Variants in COL25A1 observed in about 807,000 individuals in gnomAD.
COL25A1 encodes collagen type XXV alpha 1 chain.
A neutral mutation model predicts 128.4 loss-of-function variants in COL25A1; 103 were observed. The observed-to-expected ratio is 0.80, with a 90% CI of 0.68 to 0.94. COL25A1 has a LOEUF of 0.94. Ranked by LOEUF, COL25A1 falls within the 40% of genes least tolerant of loss-of-function variation. COL25A1 has a pLI of 0.00. For synonymous variants in COL25A1, 279 were observed against 277.2 expected (o/e 1.01, Z -0.06); for missense variants, 745 against 840.0 (o/e 0.89, Z 1.40).
chr4:109,005,191 C>T lies in COL25A1; in HGVS notation c.438+5167G>A, dbSNP rs1164404525. ...GTATAAGGCAAAGGGGGAGCCAGCA[C>T]TTCACAAGGTCAGAGCAGCAGCAAG... On this transcript the variant is annotated intron_variant, in intron 6 of 37. Coordinates refer to ENST00000399132, the MANE Select transcript of COL25A1 (RefSeq NM_198721.4). Among the ~76,000 whole-genome samples the T allele has an allele frequency of 6.6e-5, 10 of 152,290 alleles. No individual in the cohort carries two copies. The East Asian group carries it at 1.7e-3, about 27-fold the overall frequency.
chr4:108,862,568 T>C (rs1030586948), intron 21 of COL25A1, 23 bp from the exon 22 acceptor site: 1 of 1,598,364 alleles, frequency 6.3e-7, no homozygotes, highest in East Asian at 2.2e-5. Flanking sequence ...AATAAGAGGA[T>C]GAAAAAGATA....
intron 3 of COL25A1, among the ~76,000 whole-genome samples, chr4:109,178,734 C>G (rs1362684673): frequency 7.4e-5 from 11 of 148,848 alleles, no homozygotes; most frequent in Admixed American, 6.8e-4. Flanking sequence ...ACTCAGGAAG[C>G]TGAGGCAGGA....
chr4:108,935,349 T>C (rs1747275460), intron 11 of COL25A1, among the ~76,000 whole-genome samples: 1 of 152,160 alleles, frequency 6.6e-6, no homozygotes, highest in Non-Finnish European at 1.5e-5. Flanking sequence ...TTTAAGATAA[T>C]GTCCTTGTTC....
intron 6 of COL25A1, among the ~76,000 whole-genome samples, chr4:108,997,926 C>A (rs1032824950): frequency 2.0e-5 from 3 of 152,070 alleles, no homozygotes; most frequent in South Asian, 2.1e-4. Flanking sequence ...ATTCAACAGC[C>A]CTTCATGCTA....
chr4:108,964,909 C>A (rs1751121069), intron 8 of COL25A1, among the ~76,000 whole-genome samples: 1 of 152,114 alleles, frequency 6.6e-6, no homozygotes, highest in Non-Finnish European at 1.5e-5. Context: ...TAATTTATTT[C>A]TTTCCATTGT....
At chr4:108,918,879 G>A (rs1022126656) in intron 12 of COL25A1, among the ~76,000 whole-genome samples, 16 of 152,222 alleles carry the variant, frequency 1.1e-4, no homozygotes, top group African/African-American at 3.6e-4. Context: ...AGTGGCATGA[G>A]TATGAATGAT....
At chr4:108,963,554 T>C (rs1750966996) in intron 8 of COL25A1, among the ~76,000 whole-genome samples, 1 of 152,112 alleles carries the variant, frequency 6.6e-6, no homozygotes, top group South Asian at 2.1e-4. Context: ...ATTGTAGGCG[T>C]TAGTGCAACT....
At chr4:108,905,855 G>GT (rs1203593256) in intron 13 of COL25A1, among the ~76,000 whole-genome samples, 12 of 151,338 alleles carry the variant, frequency 7.9e-5, no homozygotes, top group African/African-American at 2.9e-4. Flanking sequence ...TATGTCGGGG[G>GT]GGGGTGCGGG....
At chr4:108,868,714 GGGAAGGAAGAAAGGAAGGGA>G (rs1265270357) in intron 20 of COL25A1, among the ~76,000 whole-genome samples, 1 of 134,328 alleles carries the variant, frequency 7.4e-6, no homozygotes, top group Non-Finnish European at 1.6e-5. Flanking sequence ...AAAGGAAGGA[GGGAAGGAAGAAAGGAAGGGA>G]GGAAGGAAGG....
intron 3 of COL25A1, among the ~76,000 whole-genome samples, chr4:109,112,839 A>G (rs890259704): frequency 6.6e-6 from 1 of 152,122 alleles, no homozygotes; most frequent in Non-Finnish European, 1.5e-5. Context: ...GATCTCTCAG[A>G]GGTAAAACTT....
chr4:108,984,949 C>T (rs1753513557), intron 6 of COL25A1, among the ~76,000 whole-genome samples: 2 of 152,276 alleles, frequency 1.3e-5, no homozygotes, highest in African/African-American at 4.8e-5. Flanking sequence ...TATGAAGGGC[C>T]CCTAAGCACA....
chr4:108,955,176 C>T (rs1454295952), intron 8 of COL25A1, among the ~76,000 whole-genome samples: 2 of 151,946 alleles, frequency 1.3e-5, no homozygotes, highest in Admixed American at 1.3e-4. Flanking sequence ...AATCATTCTA[C>T]CTGGGTGATA....
intron 3 of COL25A1, among the ~76,000 whole-genome samples, chr4:109,298,400 A>G (rs1332299558): frequency 6.6e-6 from 1 of 152,150 alleles, no homozygotes; most frequent in Non-Finnish European, 1.5e-5. Context: ...CTCTGTGACT[A>G]AAACTGTTAA....
At chr4:108,927,090 T>C (rs1256771567) in intron 11 of COL25A1, among the ~76,000 whole-genome samples, 1 of 152,074 alleles carries the variant, frequency 6.6e-6, no homozygotes, top group East Asian at 1.9e-4. Flanking sequence ...ACTTCATCAT[T>C]TATATTTTCC....
chr4:109,250,453 A>C (rs1183527845), intron 3 of COL25A1, among the ~76,000 whole-genome samples: 3 of 151,286 alleles, frequency 2.0e-5, no homozygotes, highest in African/African-American at 7.3e-5. Flanking sequence ...GAGGATGAGA[A>C]GTTCAAGTCC....
intron 3 of COL25A1, among the ~76,000 whole-genome samples, chr4:109,205,445 A>T (rs1776897574): frequency 6.6e-6 from 1 of 152,148 alleles, no homozygotes; most frequent in Non-Finnish European, 1.5e-5. Flanking sequence ...ACATTGACAT[A>T]TAGGACTTCT....
intron 5 of COL25A1, among the ~76,000 whole-genome samples, chr4:109,037,502 T>C (rs1759461920): frequency 6.6e-6 from 1 of 152,228 alleles, no homozygotes; most frequent in Admixed American, 6.5e-5. Context: ...GCCCCTCTGC[T>C]GGGCAGCAGA....
At chr4:108,902,998 G>A (rs748980984) in intron 13 of COL25A1, among the ~76,000 whole-genome samples, 5 of 151,872 alleles carry the variant, frequency 3.3e-5, no homozygotes, top group East Asian at 1.9e-4. Context: ...AAGAGATGCC[G>A]CCAGGAAACA....
At chr4:108,914,797 G>T (rs546016660) in intron 13 of COL25A1, among the ~76,000 whole-genome samples, 9 of 151,810 alleles carry the variant, frequency 5.9e-5, no homozygotes, top group African/African-American at 2.2e-4. Flanking sequence ...GGGATTACAA[G>T]CATGAGCCAC....
Sources: gnomAD v4.1 joint callset for allele counts (sites outside exome capture counted in the v4.1 genomes callset) on GRCh38, gnomAD v4.1.1 for gene constraint, MANE v1.5 for transcripts, NCBI Gene and HGNC (gene_info 2026-07-23, HGNC 2026-07-21) for gene names.